The following GLB1 variants were observed in gnomAD, a reference collection of about 807,000 sequenced individuals.
GLB1 encodes galactosidase beta 1.
Under a neutral mutation model 74.0 loss-of-function variants are expected in GLB1, and 56 were observed. The ratio of observed to expected loss-of-function variants is 0.76; its 90% CI spans 0.61 to 0.94. The LOEUF (loss-of-function observed/expected upper bound fraction) is 0.94, where lower values mean the gene tolerates loss of function less well. Among genes scored for constraint, GLB1 ranks in the 40% least tolerant of loss-of-function variants. The pLI is 0.00. For missense variants in GLB1, 787 were observed against 845.5 expected, an observed-to-expected ratio of 0.93 and a Z score of 0.86; for synonymous variants, 323 against 323.6, an observed-to-expected ratio of 1.00 and a Z score of 0.02.
chr3:33,073,155 G>C (rs1043267912), intron 1 of GLB1, among the ~76,000 whole-genome samples: 1 of 152,060 alleles, frequency 6.6e-6, no homozygotes, highest in African/African-American at 2.4e-5. Context: ...GTAAAATACA[G>C]GGCAAAAAGC....
chr3:32,962,967 A>G, the GLB1 span, among the ~76,000 whole-genome samples: 2 of 152,236 alleles, frequency 1.3e-5, no homozygotes, highest in African/African-American at 4.8e-5. Context: ...AAGAATGAAC[A>G]ACAACAAAAA....
intron 5 of GLB1, among the ~76,000 whole-genome samples, chr3:33,065,177 T>A (rs374142571): frequency 1.3e-5 from 2 of 152,164 alleles, no homozygotes; most frequent in South Asian, 2.1e-4. Flanking sequence ...CTGGGTGACC[T>A]TAGCCAAGTC....
intron 14 of GLB1, 117 bp downstream of exon 14, chr3:33,016,592 T>G: frequency 6.4e-7 from 1 of 1,560,928 alleles, no homozygotes; most frequent in Non-Finnish European, 8.8e-7. Flanking sequence ...CCTCAAGTGA[T>G]CCTCCTGCCT....
intron 10 of GLB1, among the ~76,000 whole-genome samples, chr3:33,039,964 T>C (rs77281369): frequency 0.065 from 9,879 of 152,290 alleles, 451 homozygotes; most frequent in Non-Finnish European, 0.1. Context: ...AAATATGGAA[T>C]GGTATTTTGA....
In GLB1 at chr3:33,092,835, C is replaced by T. The variant is rs1489141395; in HGVS notation, c.75+4176G>A. 2.5e-6 allele frequency: 4 copies of T among 1,596,280 alleles called. No homozygotes were observed. In the South Asian group the frequency reaches 4.6e-5, roughly 18 times the overall value. ...AGAGGTGCACAGGGCAGGGCCAGTT[C>T]AGGGAGACCGCTGCAGGATGAGCTC... On this transcript the variant is annotated intron_variant, in intron 1 of 15. Transcript: ENST00000307363.
rs528470402 is a variant in GLB1 at position 33,027,463 on chromosome 3, G to A, written c.1069-3138C>T. 3.2e-4 allele frequency among the ~76,000 whole-genome samples: 48 copies of A among 152,332 alleles called. No homozygotes were observed. The South Asian group carries it at 3.7e-3, about 12-fold the overall frequency. On this transcript the variant is annotated intron_variant, in intron 10 of 15. Transcript: ENST00000307363. ...AACCCAGTGGGCCCGAGCAAAACTC[G>A]GGCAAAGGCGCCACAGGCCACAGAG...
chr3:33,024,446 G>A, intron 10 of GLB1, 121 bp from the exon 11 acceptor site: 1 of 1,133,140 alleles, frequency 8.8e-7, no homozygotes, highest in Non-Finnish European at 1.2e-6. Flanking sequence ...CTGCTTTTTT[G>A]GAAAATCAAA....
intron 4 of GLB1, among the ~76,000 whole-genome samples, chr3:33,067,759 GT>G (rs1699743502): frequency 6.6e-6 from 1 of 152,218 alleles, no homozygotes. Flanking sequence ...TAGAGGTTTA[GT>G]TTGTTGCTAT....
chr3:33,004,226 T>G (rs1696697718), intron 15 of GLB1, among the ~76,000 whole-genome samples: 2 of 152,208 alleles, frequency 1.3e-5, no homozygotes, highest in African/African-American at 4.8e-5. Context: ...AAGCCTAGGC[T>G]AGCTTGCTGG....
At chr3:32,962,585 A>G in the GLB1 span, among the ~76,000 whole-genome samples, 1 of 152,206 alleles carries the variant, frequency 6.6e-6, no homozygotes, top group South Asian at 2.1e-4. Context: ...CTGAAAAACT[A>G]TTATTAACAA....
chr3:33,059,891 C>T (rs909245212), intron 5 of GLB1, among the ~76,000 whole-genome samples: 1 of 152,186 alleles, frequency 6.6e-6, no homozygotes, highest in African/African-American at 2.4e-5. Flanking sequence ...GATCTTTAAA[C>T]GTAAGCACAA....
chr3:33,044,761 A>C (rs945109895), intron 10 of GLB1, among the ~76,000 whole-genome samples: 2 of 152,176 alleles, frequency 1.3e-5, no homozygotes, highest in African/African-American at 4.8e-5. Flanking sequence ...AACAAAAAAA[A>C]CCATACCATT....
chr3:33,049,453 G>A (rs964508003), intron 9 of GLB1, among the ~76,000 whole-genome samples: 3 of 152,132 alleles, frequency 2.0e-5, no homozygotes, highest in Non-Finnish European at 4.4e-5. Context: ...GTCTCACCCT[G>A]TCACCCAGGC....
At chr3:32,972,370 AATGGCCGAGCTGTC>A in the GLB1 span, among the ~76,000 whole-genome samples, 1 of 152,184 alleles carries the variant, frequency 6.6e-6, no homozygotes, top group African/African-American at 2.4e-5. Flanking sequence ...AATCGATGAT[AATGGCCGAGCTGTC>A]ATGGAAATCA....
At position 32,997,342 on chromosome 3, in the gene GLB1, G is replaced by A; in HGVS notation, c.1737C>T (p.Gly579=). 1 of 1,612,724 alleles carries A rather than the reference G, an allele frequency of 6.2e-7. No individual in the cohort carries two copies. The highest frequency in any genetic ancestry group is 1.1e-5 in the South Asian group (1 of 91,006). The change falls in exon 16 of 16, where the codon GGC becomes GGT. Residue 579 remains glycine (G), a splice_region_variant and synonymous_variant. Transcript: ENST00000307363. ...TFIQFPGWTK[G]QVWINGFNLG... ...GGTTAAAGCCATTAATCCAGACCTGGCCCTGGAGAGAGAGAGACAGAGAAC... is the reference window on the plus strand; with the variant it reads ...GGTTAAAGCCATTAATCCAGACCTGACCCTGGAGAGAGAGAGACAGAGAAC...
At chr3:33,007,539 A>G (rs1018740939) in intron 15 of GLB1, among the ~76,000 whole-genome samples, 12 of 152,310 alleles carry the variant, frequency 7.9e-5, no homozygotes, top group Admixed American at 6.5e-4. Flanking sequence ...ACATGTATCA[A>G]TACTTCATTT....
In GLB1 at chr3:33,072,675, C is replaced by T. The variant is rs934562328; in HGVS notation, c.114G>A (p.Arg38=). 1.2e-6 allele frequency: 2 copies of T among 1,614,130 alleles called. No homozygotes were observed. Among genetic ancestry groups the T allele is most frequent in the Non-Finnish European group, 1.7e-6 (2 of 1,180,040 alleles). Residue 38 remains arginine, a synonymous_variant, in exon 2 of 16, where the codon CGG becomes CGA. Transcript: ENST00000307363. ...TQRMFEIDYS[R]DSFLKDGQPF... ...GCTGGCCATCCTTGAGGAAGGAGTC[C>T]CGGCTATAGTCAATTTCAAACATCC...
chr3:33,048,376 A>G lies in GLB1; in HGVS notation c.956-2144T>C, dbSNP rs929201326. Among the ~76,000 whole-genome samples, 9 of 152,302 alleles carry G rather than the reference A, an allele frequency of 5.9e-5. No homozygotes were observed. The East Asian group carries it at 1.7e-3, about 29-fold the overall frequency. The stretch of plus-strand genomic sequence containing the variant: ...TTCAAGCCTCCTCTGGCCACTTAAG[A>G]GGGTGTGAGGTGGGAAGGTGAAAGA... On this transcript the variant is annotated intron_variant, in intron 9 of 15. Coordinates refer to ENST00000307363, the MANE Select transcript of GLB1 (RefSeq NM_000404.4).
At chr3:32,973,263 G>A in the GLB1 span, among the ~76,000 whole-genome samples, 2 of 152,098 alleles carry the variant, frequency 1.3e-5, no homozygotes, top group African/African-American at 4.8e-5. Flanking sequence ...CTGGATGATG[G>A]AAATTCTCTA....
Sources: gnomAD v4.1 joint callset for allele counts (sites outside exome capture counted in the v4.1 genomes callset) on GRCh38, gnomAD v4.1.1 for gene constraint, MANE v1.5 for transcripts, NCBI Gene and HGNC (gene_info 2026-07-23, HGNC 2026-07-21) for gene names.